Variants in FOXP1 observed in about 807,000 individuals in gnomAD.
FOXP1 encodes the protein forkhead box P1, also known as forkhead box protein P1.
Under a neutral mutation model 98.2 loss-of-function variants are expected in FOXP1, and 15 were observed. The observed-to-expected ratio is 0.15, with a 90% CI of 0.10 to 0.24. The LOEUF is 0.24. Ranked by LOEUF, FOXP1 falls within the 10% of genes least tolerant of loss-of-function variation. FOXP1 has a pLI of 1.00. For synonymous variants in FOXP1, 371 were observed against 314.5 expected (o/e 1.18, Z -1.90); for missense variants, 633 against 848.5 (o/e 0.75, Z 3.15).
chr3:71,303,821 T>A, intron 4 of FOXP1, among the ~76,000 whole-genome samples: 1 of 147,286 alleles, frequency 6.8e-6, no homozygotes. Context: ...AAGGAAAAAA[T>A]AGAGAAAAAC....
At chr3:71,554,246 C>G (rs532169867) in intron 2 of FOXP1, among the ~76,000 whole-genome samples, 4 of 152,030 alleles carry the variant, frequency 2.6e-5, no homozygotes, top group East Asian at 1.9e-4. Context: ...CCCAGCTACT[C>G]GGAAATCTGA....
chr3:71,123,744 C>G (rs180745246), intron 6 of FOXP1, among the ~76,000 whole-genome samples: 2 of 152,254 alleles, frequency 1.3e-5, no homozygotes, highest in Admixed American at 1.3e-4. Context: ...CTCTTGCACT[C>G]TGCTATAAAT....
rs76878319 is a variant in FOXP1, at chr3:70,980,339, T to C, written c.1147-2310A>G. Among the ~76,000 whole-genome samples the C allele has an allele frequency of 5.1e-3, 770 of 152,294 alleles. 30 individuals are homozygous for C. The East Asian group carries it at 0.098, about 19-fold the overall frequency. ...CTCATAAATATACAGCTTTTATAATTCAGACGCTGCTAAGCCTAAGAATCT... is the reference window on the plus strand; with the variant it reads ...CTCATAAATATACAGCTTTTATAATCCAGACGCTGCTAAGCCTAAGAATCT... On this transcript the variant is annotated intron_variant, in intron 14 of 20. Transcript: ENST00000649528.
intron 3 of FOXP1, among the ~76,000 whole-genome samples, chr3:71,450,450 T>C (rs1222335597): frequency 6.6e-6 from 1 of 152,200 alleles, no homozygotes; most frequent in Admixed American, 6.5e-5. Flanking sequence ...GAAATTTTGA[T>C]CTCAGCTGTC....
chr3:70,999,335 G>A (rs533438392), intron 13 of FOXP1, among the ~76,000 whole-genome samples: 8 of 152,196 alleles, frequency 5.3e-5, no homozygotes, highest in East Asian at 3.9e-4. Flanking sequence ...TGATCCACCC[G>A]CCTTGGCCTC....
At chr3:71,178,977 T>C (rs568989974) in intron 6 of FOXP1, among the ~76,000 whole-genome samples, 1 of 141,754 alleles carries the variant, frequency 7.1e-6, no homozygotes, top group African/African-American at 2.7e-5. Flanking sequence ...GGCTAAGGCA[T>C]GAGAATCATT....
chr3:71,107,663 T>G (rs952306295), intron 7 of FOXP1, among the ~76,000 whole-genome samples: 1 of 152,178 alleles, frequency 6.6e-6, no homozygotes, highest in African/African-American at 2.4e-5. Context: ...AATCAGTGCA[T>G]AGGGCTATTT....
At chr3:71,102,398 C>T (rs762378786) in intron 7 of FOXP1, among the ~76,000 whole-genome samples, 2 of 152,322 alleles carry the variant, frequency 1.3e-5, no homozygotes, top group Non-Finnish European at 2.9e-5. Context: ...ATAGTTTGCT[C>T]ATGATATCAC....
chr3:71,438,701 T>C (rs1011142231), intron 3 of FOXP1, among the ~76,000 whole-genome samples: 4 of 147,724 alleles, frequency 2.7e-5, no homozygotes, highest in South Asian at 2.1e-4. Flanking sequence ...ATTCTGCAAA[T>C]AGAATTATAT....
chr3:71,285,212 ACAT>A (rs1380818688), intron 5 of FOXP1, among the ~76,000 whole-genome samples: 1 of 152,188 alleles, frequency 6.6e-6, no homozygotes, highest in Admixed American at 6.5e-5. Context: ...TAAGAAACAC[ACAT>A]CATTATCCTC....
intron 3 of FOXP1, among the ~76,000 whole-genome samples, chr3:71,436,774 C>A (rs1167406056): frequency 6.6e-6 from 1 of 152,060 alleles, no homozygotes; most frequent in East Asian, 1.9e-4. Context: ...GACTTGGAGC[C>A]AGCCAGGCAA....
intron 3 of FOXP1, among the ~76,000 whole-genome samples, chr3:71,454,547 T>C (rs1226741562): frequency 6.6e-6 from 1 of 152,136 alleles, no homozygotes; most frequent in East Asian, 1.9e-4. Flanking sequence ...ACCAGCAGCC[T>C]GAACATTATC....
chr3:71,071,623 G>C (rs2053242365), intron 7 of FOXP1, among the ~76,000 whole-genome samples: 1 of 152,092 alleles, frequency 6.6e-6, no homozygotes, highest in Non-Finnish European at 1.5e-5. Context: ...CACCCAGCCT[G>C]GAGTGCAATG....
Position 70,965,843 on chromosome 3 carries a change from G to A in FOXP1, c.1889+47C>T, listed in dbSNP as rs146183548. On this transcript the variant is annotated intron_variant, in intron 20 of 20. Coordinates refer to ENST00000649528, the MANE Select transcript of FOXP1 (RefSeq NM_001349338.3). The stretch of plus-strand genomic sequence containing the variant: ...GGCTGTCTCCCTGCGTGTACCTAGG[G>A]AGACTAGGGTCAGATAGCAAAGACC... The A allele has an allele frequency of 1.8e-4, 292 of 1,583,766 alleles. 1 individual carries two copies. In the African/African-American group the frequency reaches 3.5e-3, roughly 19 times the overall value.
At chr3:71,530,490 C>A (rs76129652) in intron 2 of FOXP1, among the ~76,000 whole-genome samples, 3 of 151,948 alleles carry the variant, frequency 2.0e-5, no homozygotes, top group African/African-American at 4.8e-5. Context: ...CAAAGTGGAC[C>A]AAGACAGTTG....
chr3:71,144,797 C>A (rs1387960537), intron 6 of FOXP1, among the ~76,000 whole-genome samples: 2 of 152,098 alleles, frequency 1.3e-5, no homozygotes, highest in African/African-American at 2.4e-5. Context: ...AAGGCCTCCA[C>A]CACCCCCCAA....
At chr3:70,987,384 A>T (rs1254812660) in intron 14 of FOXP1, among the ~76,000 whole-genome samples, 1 of 152,198 alleles carries the variant, frequency 6.6e-6, no homozygotes, top group Non-Finnish European at 1.5e-5. Context: ...GAAAGAGGAG[A>T]TTCTTACAAA....
chr3:71,219,775 T>C (rs965896494), intron 5 of FOXP1, among the ~76,000 whole-genome samples: 1 of 152,242 alleles, frequency 6.6e-6, no homozygotes, highest in Non-Finnish European at 1.5e-5. Flanking sequence ...TAAAATTCCT[T>C]GTGTGGCTCT....
At chr3:71,502,409 ATTTTG>A (rs1391537040) in intron 2 of FOXP1, among the ~76,000 whole-genome samples, 3 of 152,194 alleles carry the variant, frequency 2.0e-5, no homozygotes, top group African/African-American at 2.4e-5. Context: ...CTTATCAAGT[ATTTTG>A]TTTTGAGTCT....
Sources: allele counts gnomAD v4.1 joint callset (sites outside exome capture counted in the v4.1 genomes callset), GRCh38; gene constraint gnomAD v4.1.1; transcripts MANE v1.5; gene names NCBI Gene and HGNC (gene_info 2026-07-23, HGNC 2026-07-21).